ADSS1: variants seen among roughly 807,000 people sequenced by gnomAD.
ADSS1 encodes the protein adenylosuccinate synthetase isozyme 1.
ADSS1 carries 57 observed loss-of-function variants against 59.1 expected under a neutral mutation model. The observed-to-expected ratio is 0.97, with a 90% confidence interval of 0.78 to 1.20. The LOEUF (loss-of-function observed/expected upper bound fraction) is 1.20. ADSS1 is among the 50% of genes most tolerant of loss of function. ADSS1 has a pLI of 0.00. For synonymous variants in ADSS1, 247 were observed against 249.4 expected (o/e 0.99, Z 0.09); for missense variants, 603 against 610.3 (o/e 0.99, Z 0.13).
Position 104,740,816 on chromosome 14 carries a change from G to A in ADSS1, c.585-23G>A, listed in dbSNP as rs775624587. On this transcript the variant is annotated intron_variant, in intron 6 of 12. Transcript: ENST00000330877. The surrounding 1 kb of genome is among the most constrained non-coding windows in gnomAD (Gnocchi z 4.8). ...ACCAGCATGGACCATGACAGGGGGT[G>A]ATGATGACTGTCCCTTGTGCAGATT... is the stretch of plus-strand genomic sequence containing the variant. 1.5e-5 allele frequency: 25 copies of A among 1,613,576 alleles called. No individual in the cohort carries two copies. Among genetic ancestry groups the A allele is most frequent in the South Asian group, 1.5e-4 (14 of 91,078 alleles).
At chr14:104,734,898 A>G in intron 1 of ADSS1, 122 bp from the exon 2 acceptor site, 1 of 782,258 alleles carries the variant, frequency 1.3e-6, no homozygotes, top group Non-Finnish European at 2.2e-6. Context: ...CCACCAAACC[A>G]GACACCCCAA....
intron 1 of ADSS1, among the ~76,000 whole-genome samples, chr14:104,732,137 G>C (rs1199668688): frequency 6.6e-6 from 1 of 152,190 alleles, no homozygotes; most frequent in Non-Finnish European, 1.5e-5. Context: ...CCTCCTCATC[G>C]GCCAGCCTCA....
At chr14:104,737,997 G>A (rs927708787) in intron 2 of ADSS1, 3 of 246,198 alleles carry the variant, frequency 1.2e-5, no homozygotes, top group South Asian at 4.7e-5. Context: ...TTTTGTTGTT[G>A]TTTGTTTGCT....
Position 104,743,187 on chromosome 14 carries a change from A to T in ADSS1, c.1069A>T (p.Thr357Ser), listed in dbSNP as rs144158734. ...ATATGCTCACATGGTCAACGGATTC[A>T]CTGCGTAAGCAACCCATGCTGCCAT... ...LRYAHMVNGF[T>S]ALALTKLDIL... Residue 357 changes from threonine to serine, a missense_variant, in exon 10 of 13, where the codon ACT (threonine) becomes TCT (serine). Thr to Ser is a moderately conservative substitution (Grantham distance 58, BLOSUM62 1). Transcript: ENST00000330877. 10 of 1,610,578 alleles carry T rather than the reference A, an allele frequency of 6.2e-6. No individual in the cohort carries two copies. In the East Asian group the frequency reaches 2.2e-4, roughly 36 times the overall value.
chr14:104,745,180 G>A, intron 11 of ADSS1: 1 of 388,866 alleles, frequency 2.6e-6, no homozygotes, highest in South Asian at 3.0e-5. Context: ...ACTCGCCTGG[G>A]ACCCTGGGGG....
chr14:104,725,826 G>A (rs914884527), intron 1 of ADSS1, among the ~76,000 whole-genome samples: 7 of 152,122 alleles, frequency 4.6e-5, no homozygotes, highest in Admixed American at 2.0e-4. Flanking sequence ...CTCCCGTGAG[G>A]CCCAGGCCCC....
rs1382526768 is a variant in ADSS1 at position 104,739,623 on chromosome 14, C to G, written c.410-127C>G. On this transcript the variant is annotated intron_variant, in intron 4 of 12. Coordinates refer to ENST00000330877, the MANE Select transcript of ADSS1 (RefSeq NM_152328.5). Reference sequence around the variant, plus strand: ...CACTCATGGTCACACCCCAGTTTGTCCTCTTTGAAATCTCAACCACCCCCT... The same window carrying G: ...CACTCATGGTCACACCCCAGTTTGTGCTCTTTGAAATCTCAACCACCCCCT... The G allele has an allele frequency of 3.6e-6, 4 of 1,117,688 alleles. No homozygotes were observed. In the Admixed American group the frequency reaches 8.1e-5, roughly 23 times the overall value. 69.2% of individuals were successfully genotyped at this position (1,117,688 alleles called of 1,614,324 possible). A position where few individuals can be genotyped will look rare whatever the true frequency, so the allele number is the denominator to read the frequency against.
At chr14:104,729,442 G>A (rs796207531) in intron 1 of ADSS1, among the ~76,000 whole-genome samples, 14 of 152,286 alleles carry the variant, frequency 9.2e-5, no homozygotes, top group African/African-American at 3.4e-4. Context: ...CAAAGCCTGT[G>A]TGTGGAGACG....
intron 1 of ADSS1, among the ~76,000 whole-genome samples, chr14:104,726,367 G>T (rs966625694): frequency 1.3e-5 from 2 of 152,210 alleles, no homozygotes; most frequent in Non-Finnish European, 2.9e-5. Context: ...TGCGAGTGCG[G>T]GGACCGAGCT....
intron 10 of ADSS1, chr14:104,744,353 ATC>A (rs1219234507): frequency 6.4e-6 from 1 of 155,132 alleles, no homozygotes; most frequent in Non-Finnish European, 1.4e-5. Flanking sequence ...GGATCACTTA[ATC>A]TCTCTTTTCC....
intron 10 of ADSS1, chr14:104,744,549 G>T (rs1017675074): frequency 2.1e-5 from 10 of 466,558 alleles, no homozygotes; most frequent in African/African-American, 1.8e-4. Flanking sequence ...TAGATCCCTC[G>T]CATGCACAGT....
intron 1 of ADSS1, among the ~76,000 whole-genome samples, chr14:104,734,397 T>C (rs914249883): frequency 2.6e-5 from 4 of 152,174 alleles, no homozygotes; most frequent in Non-Finnish European, 5.9e-5. Flanking sequence ...GCGAAGGCAG[T>C]GGCATCCAGG....
rs999874220 is a variant in ADSS1 at position 104,740,430 on chromosome 14, C to T, written c.477-171C>T. ...CCCACAGGCACACACCATACCAGTA[C>T]ATCCATGCTAGTGCGTACACCCACA... On this transcript the variant is annotated intron_variant, in intron 5 of 12. Transcript: ENST00000330877. The surrounding 1 kb of genome is among the most constrained non-coding windows in gnomAD (Gnocchi z 4.8). Among the ~76,000 whole-genome samples, 2 of 152,124 alleles carry T rather than the reference C, an allele frequency of 1.3e-5. No individual in the cohort carries two copies. The highest frequency in any genetic ancestry group is 2.9e-5 in the Non-Finnish European group (2 of 68,022).
At chr14:104,745,957 GC>G in intron 11 of ADSS1, 1 of 290,192 alleles carries the variant, frequency 3.4e-6, no homozygotes, top group African/African-American at 2.1e-5. Context: ...GAGTGCCTCA[GC>G]TGATGTCACA....
At chr14:104,728,336 C>G (rs1011957288) in intron 1 of ADSS1, among the ~76,000 whole-genome samples, 1 of 152,118 alleles carries the variant, frequency 6.6e-6, no homozygotes, top group African/African-American at 2.4e-5. Context: ...GGCCGTGGCT[C>G]CAGGACAGAG....
At chr14:104,739,275 G>A (rs1297855637) in intron 3 of ADSS1, 53 bp from the exon 4 acceptor site, 3 of 1,573,490 alleles carry the variant, frequency 1.9e-6, no homozygotes, top group African/African-American at 1.3e-5. Flanking sequence ...CCTCACGTGT[G>A]AGCTGCAGCG....
rs1307702561 is a variant in ADSS1 at position 104,743,188 on chromosome 14, C to T, written c.1070C>T (p.Thr357Ile). 1 of 1,610,468 alleles carries T rather than the reference C, an allele frequency of 6.2e-7. No individual in the cohort carries two copies. Among genetic ancestry groups the T allele is most frequent in the Non-Finnish European group, 8.5e-7 (1 of 1,179,902 alleles). ...TATGCTCACATGGTCAACGGATTCA[C>T]TGCGTAAGCAACCCATGCTGCCATC... ...LRYAHMVNGF[T>I]ALALTKLDIL... The change falls in exon 10 of 13, where the codon ACT (threonine) becomes ATT (isoleucine). Residue 357 changes from threonine to isoleucine, a missense_variant. By Grantham distance (89) the Thr-to-Ile change is moderately conservative. Coordinates refer to ENST00000330877, the MANE Select transcript of ADSS1 (RefSeq NM_152328.5).
chr14:104,742,229 C>T (rs551930164), intron 9 of ADSS1, among the ~76,000 whole-genome samples: 33 of 152,376 alleles, frequency 2.2e-4, no homozygotes, highest in East Asian at 7.7e-4. Context: ...ACACGGGGTG[C>T]GCACATGCCC....
Position 104,740,633 on chromosome 14 carries a change from C to T in ADSS1, c.509C>T (p.Thr170Ile), listed in dbSNP as rs757496228. 3.8e-5 allele frequency: 62 copies of T among 1,613,876 alleles called. No individual in the cohort carries two copies. The highest frequency in any genetic ancestry group is 2.2e-4 in the Admixed American group (13 of 59,988). The change falls in exon 6 of 13, where the codon ACC (threonine) becomes ATC (isoleucine). Residue 170 changes from threonine (T) to isoleucine (I), a missense_variant. By Grantham distance (89) the Thr-to-Ile change is moderately conservative (BLOSUM62 -1). Coordinates refer to ENST00000330877, the MANE Select transcript of ADSS1 (RefSeq NM_152328.5). The surrounding 1 kb of genome is among the most constrained non-coding windows in gnomAD (Gnocchi z 4.8). The stretch of plus-strand genomic sequence containing the variant: ...ACCACCAAGAAGGGAATCGGACCAA[C>T]CTACTCTTCCAAAGCTGCCCGGACA... ...IGTTKKGIGPTYSSKAARTGL... is the reference protein window; with the variant it reads ...IGTTKKGIGPIYSSKAARTGL...
Sources: gnomAD v4.1 joint callset for allele counts (sites outside exome capture counted in the v4.1 genomes callset) on GRCh38, gnomAD v4.1.1 for gene constraint, Gnocchi (gnomAD v3.1) non-coding constraint, MANE v1.5 for transcripts, NCBI Gene and HGNC (gene_info 2026-07-23, HGNC 2026-07-21) for gene names.